Variants in ENPP3 observed in about 807,000 individuals in gnomAD.
ENPP3 encodes ectonucleotide pyrophosphatase/phosphodiesterase 3.
ENPP3 carries 104 observed loss-of-function variants against 117.8 expected under a neutral mutation model. The observed-to-expected ratio is 0.88, with a 90% CI of 0.75 to 1.04. The LOEUF (loss-of-function observed/expected upper bound fraction) is 1.04. ENPP3 is among the 50% of genes least tolerant of loss of function. ENPP3 has a pLI of 0.00. For synonymous variants in ENPP3, 380 were observed against 349.9 expected, an observed-to-expected ratio of 1.09 and a Z score of -0.96; for missense variants, 1,026 against 1,051.9, an observed-to-expected ratio of 0.98 and a Z score of 0.34.
intron 7 of ENPP3, among the ~76,000 whole-genome samples, chr6:131,672,078 C>T (rs1226182195): frequency 1.3e-5 from 2 of 152,140 alleles, no homozygotes; most frequent in Admixed American, 1.3e-4. Context: ...GGTTTGCTTA[C>T]TCACTAAAAT....
In ENPP3 at chr6:131,683,443, T is replaced by C. The variant is rs1349201966; in HGVS notation, c.1120+281T>C. 2.0e-5 allele frequency among the ~76,000 whole-genome samples: 3 copies of C among 152,224 alleles called. No individual in the cohort carries two copies. In the East Asian group the frequency reaches 5.8e-4, roughly 29 times the overall value. ...GGGATGTGGTTGGGTTTTTATTCAA[T>C]CTAAAAAGTGCTTTGGGACCTTCTT... is the stretch of plus-strand genomic sequence containing the variant. On this transcript the variant is annotated intron_variant, in intron 12 of 24. Transcript: ENST00000357639.
In ENPP3 at chr6:131,652,544, C is replaced by G. The variant is rs750619541; in HGVS notation, c.280C>G (p.Arg94Gly). Residue 94 changes from arginine to glycine, a missense_variant and splice_region_variant, in exon 4 of 25, where the codon CGA becomes GGA. Coordinates refer to ENST00000357639, the MANE Select transcript of ENPP3 (RefSeq NM_005021.5). ...AACTGAATTGTATCGTTTTACAGCTCGAATATGGATGTGCAATAAATTTCG... is the reference window on the plus strand; with the variant it reads ...AACTGAATTGTATCGTTTTACAGCTGGAATATGGATGTGCAATAAATTTCG... ...DFEDTCVEST[R>G]IWMCNKFRCG... The G allele has an allele frequency of 1.2e-6, 2 of 1,613,826 alleles. No homozygotes were observed. Among genetic ancestry groups the G allele is most frequent in the Admixed American group, 3.3e-5 (2 of 60,008 alleles).
intron 7 of ENPP3, 90 bp from the exon 8 acceptor site, chr6:131,674,072 G>A (rs1562442750): frequency 2.6e-6 from 2 of 759,772 alleles, no homozygotes; most frequent in Non-Finnish European, 4.3e-6. Context: ...ACCTTTCTTA[G>A]GTATGAGTAA....
chr6:131,685,707 C>T (rs1027331554), intron 13 of ENPP3, among the ~76,000 whole-genome samples, 169 bp from the exon 14 acceptor site: 1 of 152,136 alleles, frequency 6.6e-6, no homozygotes, highest in African/African-American at 2.4e-5. Flanking sequence ...ATATCCTACT[C>T]AGTTCTAAAT....
chr6:131,744,868 A>G (rs1780601747), intron 24 of ENPP3, among the ~76,000 whole-genome samples: 1 of 152,120 alleles, frequency 6.6e-6, no homozygotes, highest in Non-Finnish European at 1.5e-5. Flanking sequence ...AATATAGCTC[A>G]TAAAACTGTA....
intron 6 of ENPP3, among the ~76,000 whole-genome samples, chr6:131,669,559 A>G (rs925475017): frequency 6.7e-6 from 1 of 148,878 alleles, no homozygotes; most frequent in Non-Finnish European, 1.5e-5. Flanking sequence ...CTGTAGTCCC[A>G]GCTACTCGGG....
rs143477789 is a variant in ENPP3, at chr6:131,737,402, A to C, written c.2137A>C (p.Asn713His). Residue 713 changes from asparagine (N) to histidine (H), a missense_variant, in exon 22 of 25, where the codon AAT becomes CAT. Physicochemically the swap from Asn to His is moderately conservative, Grantham distance 68. Coordinates refer to ENST00000357639, the MANE Select transcript of ENPP3 (RefSeq NM_005021.5). ...CCAATATGATGCTTTAATTACTAGC[A>C]ATTTGGTACCTATGTATGAAGAATT... ...DSQYDALITS[N>H]LVPMYEEFRK... 2 of 1,605,990 alleles carry C rather than the reference A, an allele frequency of 1.2e-6. No individual in the cohort carries two copies. The highest frequency in any genetic ancestry group is 2.7e-5 in the African/African-American group (2 of 74,756).
chr6:131,649,099 A>G (rs1212440981), intron 2 of ENPP3, among the ~76,000 whole-genome samples: 1 of 152,066 alleles, frequency 6.6e-6, no homozygotes, highest in African/African-American at 2.4e-5. Flanking sequence ...TTGCACTTTA[A>G]TTTCTCTTAG....
chr6:131,678,095 C>T lies in ENPP3; in HGVS notation c.1011+155C>T, dbSNP rs368809124. On this transcript the variant is annotated intron_variant, in intron 11 of 24. Transcript: ENST00000357639. ...ATAGTTAAAGGTATAAAAGGGATGC[C>T]ATGGTTCAACTGCCTACTTAACCAT... Among the ~76,000 whole-genome samples the T allele has an allele frequency of 2.8e-4, 42 of 152,246 alleles. No homozygotes were observed. In the South Asian group the frequency reaches 8.3e-3, roughly 30 times the overall value.
intron 2 of ENPP3, among the ~76,000 whole-genome samples, chr6:131,646,860 G>T (rs149930370): frequency 8.8e-5 from 13 of 147,460 alleles, no homozygotes; most frequent in Admixed American, 7.6e-4. Context: ...TTCTATCTTC[G>T]ATTTGATTTA....
At chr6:131,663,663 C>T (rs1251851759) in intron 6 of ENPP3, among the ~76,000 whole-genome samples, 1 of 150,772 alleles carries the variant, frequency 6.6e-6, no homozygotes. Flanking sequence ...CACTGCACTC[C>T]ATCCTGGGTA....
intron 21 of ENPP3, among the ~76,000 whole-genome samples, chr6:131,734,625 G>A (rs553272040): frequency 7.9e-5 from 12 of 152,090 alleles, no homozygotes; most frequent in South Asian, 4.2e-4. Flanking sequence ...GGCTGGGTGC[G>A]GTGGCTCACG....
chr6:131,736,615 A>G (rs1780403856), intron 21 of ENPP3, among the ~76,000 whole-genome samples: 1 of 152,022 alleles, frequency 6.6e-6, no homozygotes, highest in African/African-American at 2.4e-5. Context: ...CAGCCAAACC[A>G]TATCAGTCTC....
At chr6:131,655,184 G>A (rs886554224) in intron 5 of ENPP3, among the ~76,000 whole-genome samples, 2 of 152,094 alleles carry the variant, frequency 1.3e-5, no homozygotes, top group African/African-American at 2.4e-5. Flanking sequence ...AATCTATTAA[G>A]GTGTGCCCAT....
intron 18 of ENPP3, 59 bp downstream of exon 18, chr6:131,722,464 G>A (rs1245289420): frequency 2.1e-6 from 3 of 1,420,804 alleles, no homozygotes; most frequent in Non-Finnish European, 2.0e-6. Context: ...TCTTAACCTG[G>A]GTAGCTGACA....
At chr6:131,730,072 A>G (rs1473081202) in intron 20 of ENPP3, among the ~76,000 whole-genome samples, 6 of 152,152 alleles carry the variant, frequency 3.9e-5, no homozygotes, top group Non-Finnish European at 5.9e-5. Context: ...AAGCATCTCA[A>G]TTTCCTTACA....
chr6:131,641,776 TTC>T (rs1249114563), intron 2 of ENPP3, among the ~76,000 whole-genome samples: 5 of 149,870 alleles, frequency 3.3e-5, no homozygotes, highest in Non-Finnish European at 5.9e-5. Flanking sequence ...TCCAGTGTTT[TTC>T]TCTTACCTTT....
intron 14 of ENPP3, among the ~76,000 whole-genome samples, chr6:131,689,057 C>A (rs1562453572): frequency 6.6e-6 from 1 of 152,022 alleles, no homozygotes; most frequent in Non-Finnish European, 1.5e-5. Flanking sequence ...CAGAGTGAGA[C>A]TCTATTTAAA....
At chr6:131,678,665 G>A (rs1029639286) in intron 11 of ENPP3, among the ~76,000 whole-genome samples, 1 of 152,176 alleles carries the variant, frequency 6.6e-6, no homozygotes, top group African/African-American at 2.4e-5. Flanking sequence ...AAGCATATTC[G>A]CTCTGGCAGC....
Sources: gnomAD v4.1 joint callset for allele counts (sites outside exome capture counted in the v4.1 genomes callset) on GRCh38, gnomAD v4.1.1 for gene constraint, MANE v1.5 for transcripts, NCBI Gene and HGNC (gene_info 2026-07-23, HGNC 2026-07-21) for gene names.